Variants in TENM4 observed in about 807,000 individuals in gnomAD.
TENM4 encodes the protein teneurin-4.
In TENM4, 82 loss-of-function variants were observed where a neutral mutation model predicts 243.3. The observed-to-expected ratio is 0.34, with a 90% CI of 0.28 to 0.40. TENM4 has a LOEUF of 0.40. TENM4 is among the 10% of genes least tolerant of loss of function. The probability of loss-of-function intolerance (pLI) is 1.00; values close to 1 mark genes in which losing one functional copy is unlikely to be tolerated. For synonymous variants in TENM4, 1,412 were observed against 1,456.3 expected (o/e 0.97, Z 0.69); for missense variants, 3,138 against 3,673.3 (o/e 0.85, Z 3.77).
intron 4 of TENM4, among the ~76,000 whole-genome samples, chr11:79,101,832 G>A (rs1476078027): frequency 1.3e-5 from 2 of 152,186 alleles, no homozygotes; most frequent in Non-Finnish European, 2.9e-5. Flanking sequence ...TTCAGCCAAG[G>A]TTTCCTGGAA....
intron 9 of TENM4, among the ~76,000 whole-genome samples, chr11:78,886,912 T>G (rs1289415832): frequency 1.3e-5 from 2 of 152,202 alleles, no homozygotes; most frequent in African/African-American, 2.4e-5. Flanking sequence ...TCCATCCACC[T>G]CCTCTTCTCC....
At chr11:78,869,569 A>G (rs557848364) in intron 9 of TENM4, among the ~76,000 whole-genome samples, 44 of 152,268 alleles carry the variant, frequency 2.9e-4, no homozygotes, top group Non-Finnish European at 4.3e-4. Context: ...GACCCCAGAC[A>G]TGAGGAATTA....
chr11:79,066,093 T>C (rs1450756853), intron 5 of TENM4, among the ~76,000 whole-genome samples: 1 of 152,160 alleles, frequency 6.6e-6, no homozygotes, highest in Admixed American at 6.5e-5. Context: ...CAGCAGTGAA[T>C]AGGATACAGT....
chr11:79,023,412 A>G (rs1858986564), intron 6 of TENM4, among the ~76,000 whole-genome samples: 2 of 152,012 alleles, frequency 1.3e-5, no homozygotes, highest in Non-Finnish European at 2.9e-5. Context: ...AAATACAAAA[A>G]TTAGCCGGGC....
At chr11:79,338,979 C>T (rs1318301) in intron 1 of TENM4, among the ~76,000 whole-genome samples, 73,324 of 152,044 alleles carry the variant, frequency 0.48, 18,831 homozygotes, top group African/African-American at 0.67. Context: ...ACCCAAAGGC[C>T]GAGCCTTGAA....
intron 12 of TENM4, among the ~76,000 whole-genome samples, chr11:78,815,482 C>A (rs1857588179): frequency 6.6e-6 from 1 of 152,176 alleles, no homozygotes; most frequent in South Asian, 2.1e-4. Flanking sequence ...ATGTTCCTTT[C>A]TCTAACTCCT....
intron 20 of TENM4, among the ~76,000 whole-genome samples, chr11:78,736,966 T>C (rs562666187): frequency 6.6e-6 from 1 of 152,096 alleles, no homozygotes; most frequent in Non-Finnish European, 1.5e-5. Context: ...TCAGGAAGTG[T>C]CAGAGACTGA....
At chr11:79,311,489 C>G (rs1268288098) in intron 1 of TENM4, among the ~76,000 whole-genome samples, 1 of 152,230 alleles carries the variant, frequency 6.6e-6, no homozygotes, top group South Asian at 2.1e-4. Flanking sequence ...TACTTGTTTC[C>G]TCAGGCTTTG....
intron 10 of TENM4, among the ~76,000 whole-genome samples, chr11:78,862,039 G>A (rs76523478): frequency 0.013 from 1,996 of 152,270 alleles, 56 homozygotes; most frequent in African/African-American, 0.046. Flanking sequence ...TTGAGAACAT[G>A]GGCCTATGGA....
At chr11:78,768,550 G>A (rs117769715) in intron 18 of TENM4, among the ~76,000 whole-genome samples, 1,792 of 152,244 alleles carry the variant, frequency 0.012, 20 homozygotes, top group Non-Finnish European at 0.017. Flanking sequence ...CTTATTTATC[G>A]CTGAAGCCCC....
At chr11:78,898,804 A>G (rs1466216314) in intron 7 of TENM4, among the ~76,000 whole-genome samples, 2 of 152,140 alleles carry the variant, frequency 1.3e-5, no homozygotes, top group East Asian at 3.8e-4. Context: ...ACTTTTCTCT[A>G]TCAAAGCACT....
chr11:79,305,580 A>G (rs922552153), intron 1 of TENM4, among the ~76,000 whole-genome samples: 3 of 152,196 alleles, frequency 2.0e-5, no homozygotes, highest in African/African-American at 7.2e-5. Flanking sequence ...TAAAACGTAG[A>G]TACATCCTGA....
intron 1 of TENM4, among the ~76,000 whole-genome samples, chr11:79,378,039 T>C (rs1056620377): frequency 6.6e-6 from 1 of 152,224 alleles, no homozygotes; most frequent in Non-Finnish European, 1.5e-5. Flanking sequence ...TTACTCTCCG[T>C]GCCTTCCTTG....
At chr11:78,983,469 TC>T (rs757752953) in intron 6 of TENM4, among the ~76,000 whole-genome samples, 10 of 152,270 alleles carry the variant, frequency 6.6e-5, no homozygotes, top group Non-Finnish European at 1.2e-4. Context: ...TGTCATCCAT[TC>T]GACGACACAT....
At chr11:79,069,680 C>G in intron 5 of TENM4, 42 bp downstream of exon 5, 1 of 1,521,440 alleles carries the variant, frequency 6.6e-7, no homozygotes, top group Non-Finnish European at 8.8e-7. Flanking sequence ...CTGAGCCAAG[C>G]TCACCTGCGC....
At position 78,862,968 on chromosome 11, in the gene TENM4, T is replaced by C. The variant is rs933557928; in HGVS notation, c.1249A>G (p.Thr417Ala). 10 of 1,463,734 alleles carry C rather than the reference T, an allele frequency of 6.8e-6. No individual in the cohort carries two copies. Among genetic ancestry groups the C allele is most frequent in the Admixed American group, 4.4e-5 (2 of 45,722 alleles). 90.7% of individuals were successfully genotyped at this position (1,463,734 alleles called of 1,614,324 possible). A position where few individuals can be genotyped will look rare whatever the true frequency, so the allele number is the denominator to read the frequency against. The stretch of plus-strand genomic sequence containing the variant: ...GACAACGCAGCAACCCTACCTTCTG[T>C]GGTTCCTTTGCCTTTCCTGTCAGGG... ...ETPDRKGKGT[T>A]EGKPSSFFPE... Residue 417 changes from threonine to alanine, a missense_variant, in exon 10 of 34, where the codon ACA (threonine) becomes GCA (alanine). Around this residue, in one of 2 missense-constraint regions of TENM4, gnomAD observed 671 missense variants for 614.1 expected, o/e 1.09. Coordinates refer to ENST00000278550, the MANE Select transcript of TENM4 (RefSeq NM_001098816.3).
chr11:79,285,757 A>C (rs2457995), intron 2 of TENM4, among the ~76,000 whole-genome samples: 1 of 138,818 alleles, frequency 7.2e-6, no homozygotes, highest in Non-Finnish European at 1.5e-5. Context: ...GAAAAAAACC[A>C]AAAAAAAAAC....
At chr11:78,659,322 T>A (rs1857976003) in intron 33 of TENM4, among the ~76,000 whole-genome samples, 1 of 152,206 alleles carries the variant, frequency 6.6e-6, no homozygotes, top group African/African-American at 2.4e-5. Context: ...CAATTTCATG[T>A]CTAAGGAAAC....
At chr11:79,222,755 G>C (rs1490626464) in intron 2 of TENM4, among the ~76,000 whole-genome samples, 2 of 152,238 alleles carry the variant, frequency 1.3e-5, no homozygotes, top group Non-Finnish European at 2.9e-5. Flanking sequence ...CTAATGATCA[G>C]TGATGTTGAG....
Sources: gnomAD v4.1 joint callset for allele counts (sites outside exome capture counted in the v4.1 genomes callset) on GRCh38, gnomAD v4.1.1 for gene constraint, gnomAD v4.1.1 regional missense constraint, MANE v1.5 for transcripts, NCBI Gene and HGNC (gene_info 2026-07-23, HGNC 2026-07-21) for gene names.